PDZRN3: variants seen among roughly 807,000 people sequenced by gnomAD.
The protein encoded by PDZRN3 is PDZ domain containing ring finger 3.
In PDZRN3, 38 loss-of-function variants were observed where a neutral mutation model predicts 85.7. The observed-to-expected ratio is 0.44, with a 90% CI of 0.34 to 0.58. PDZRN3 has a LOEUF of 0.58. Ranked by LOEUF, PDZRN3 falls within the 20% of genes least tolerant of loss-of-function variation. The pLI, the probability that PDZRN3 is intolerant of heterozygous loss-of-function variation, is 0.01. For missense variants in PDZRN3, 1,629 were observed against 1,506.4 expected, an observed-to-expected ratio of 1.08 and a Z score of -1.35; for synonymous variants, 759 against 638.0, an observed-to-expected ratio of 1.19 and a Z score of -2.86.
chr3:73,391,188 A>G, intron 5 of PDZRN3, 72 bp from the exon 6 acceptor site: 1 of 907,728 alleles, frequency 1.1e-6, no homozygotes, highest in Non-Finnish European at 1.8e-6. Context: ...AAATGCTTTA[A>G]AAATATTATC....
intron 3 of PDZRN3, among the ~76,000 whole-genome samples, chr3:73,537,353 A>T (rs1279872695): frequency 6.6e-6 from 1 of 152,296 alleles, no homozygotes; most frequent in East Asian, 1.9e-4. Flanking sequence ...CAAGTAATAA[A>T]TATTGTGTTA....
At chr3:73,576,289 G>A (rs1051381404) in intron 3 of PDZRN3, among the ~76,000 whole-genome samples, 2 of 152,108 alleles carry the variant, frequency 1.3e-5, no homozygotes, top group African/African-American at 4.8e-5. Flanking sequence ...TATGATTAGA[G>A]GTGTTACCCA....
At chr3:73,458,529 T>C (rs1012785296) in intron 3 of PDZRN3, among the ~76,000 whole-genome samples, 1 of 148,960 alleles carries the variant, frequency 6.7e-6, no homozygotes, top group African/African-American at 2.5e-5. Flanking sequence ...CATGGCAAAC[T>C]AGCATTTATT....
intron 3 of PDZRN3, among the ~76,000 whole-genome samples, chr3:73,591,091 T>C (rs1303269423): frequency 2.0e-5 from 3 of 152,174 alleles, no homozygotes; most frequent in Non-Finnish European, 4.4e-5. Context: ...TATTTTTCAA[T>C]TTTTCTACAA....
At chr3:73,551,243 C>A (rs1052341803) in intron 3 of PDZRN3, among the ~76,000 whole-genome samples, 3 of 152,122 alleles carry the variant, frequency 2.0e-5, no homozygotes, top group Non-Finnish European at 4.4e-5. Context: ...GGGAAAATGA[C>A]ACACTGTCTT....
At chr3:73,407,008 C>T (rs999912233) in intron 3 of PDZRN3, among the ~76,000 whole-genome samples, 3 of 152,252 alleles carry the variant, frequency 2.0e-5, no homozygotes, top group Admixed American at 2.0e-4. Flanking sequence ...TACCTTTCTA[C>T]CAGATCCTAT....
At chr3:73,503,073 A>G (rs1704011926) in intron 3 of PDZRN3, among the ~76,000 whole-genome samples, 1 of 152,184 alleles carries the variant, frequency 6.6e-6, no homozygotes, top group Admixed American at 6.5e-5. Flanking sequence ...GTTTTGAATA[A>G]AACAATTTTA....
rs920075595 is a variant in PDZRN3, at chr3:73,432,999, T to C, written c.919-28604A>G. ...TCTGGGTTGTATCGTAAATATCCCA[T>C]TTCATCTCAACTGAAATTTTCATGT... On this transcript the variant is annotated intron_variant, in intron 3 of 9. Coordinates refer to ENST00000263666, the MANE Select transcript of PDZRN3 (RefSeq NM_015009.3). Among the ~76,000 whole-genome samples the C allele has an allele frequency of 3.3e-5, 5 of 152,190 alleles. No homozygotes were observed. In the South Asian group the frequency reaches 6.2e-4, roughly 19 times the overall value.
intron 3 of PDZRN3, among the ~76,000 whole-genome samples, chr3:73,444,004 C>T (rs562401913): frequency 1.1e-4 from 17 of 152,240 alleles, no homozygotes; most frequent in African/African-American, 2.4e-4. Flanking sequence ...GGAACGAACG[C>T]GCAATTGGTA....
intron 3 of PDZRN3, among the ~76,000 whole-genome samples, chr3:73,470,518 G>A (rs1461651597): frequency 1.3e-5 from 2 of 152,190 alleles, no homozygotes; most frequent in African/African-American, 4.8e-5. Context: ...GCTAGTAAGA[G>A]GTGGTGGTAG....
At chr3:73,421,694 C>T (rs1702206007) in intron 3 of PDZRN3, among the ~76,000 whole-genome samples, 1 of 152,230 alleles carries the variant, frequency 6.6e-6, no homozygotes, top group South Asian at 2.1e-4. Context: ...TGTTGCCAGG[C>T]TGGAGTGCAG....
chr3:73,404,229 A>G lies in PDZRN3; in HGVS notation c.1085T>C (p.Ile362Thr). 6.2e-7 allele frequency: 1 copy of G among 1,614,046 alleles called. No homozygotes were observed. The highest frequency in any genetic ancestry group is 8.5e-7 in the Non-Finnish European group (1 of 1,179,994). The change falls in exon 4 of 10, where the codon ATC (isoleucine) becomes ACC (threonine). Residue 362 changes from isoleucine to threonine, a missense_variant. Ile to Thr is a moderately conservative substitution (Grantham distance 89, BLOSUM62 -1). Coordinates refer to ENST00000263666, the MANE Select transcript of PDZRN3 (RefSeq NM_015009.3). ...GAGGGCCATGATATGTTCAAAGGTG[A>G]TGTCGGTTTGGGTTCCCGTGTCCAC... ...QLVDTGTQTD[I>T]TFEHIMALTK... is the part of the protein sequence containing the mutation.
At chr3:73,404,650 T>C (rs1015123367) in intron 3 of PDZRN3, 1 of 417,362 alleles carries the variant, frequency 2.4e-6, no homozygotes, top group African/African-American at 2.0e-5. Context: ...GTGGAATGTC[T>C]TTAACACAAT....
At chr3:73,546,970 A>T (rs989604434) in intron 3 of PDZRN3, among the ~76,000 whole-genome samples, 2 of 152,170 alleles carry the variant, frequency 1.3e-5, no homozygotes, top group African/African-American at 2.4e-5. Context: ...TCTACTCCCA[A>T]CTACATGCCT....
intron 5 of PDZRN3, among the ~76,000 whole-genome samples, chr3:73,394,572 A>G (rs1701598320): frequency 6.6e-6 from 1 of 152,224 alleles, no homozygotes; most frequent in Non-Finnish European, 1.5e-5. Flanking sequence ...CTGGTGAAGC[A>G]CATTTCCAAT....
At chr3:73,426,751 C>T (rs1206989063) in intron 3 of PDZRN3, among the ~76,000 whole-genome samples, 1 of 152,170 alleles carries the variant, frequency 6.6e-6, no homozygotes. Context: ...AAACAAATTG[C>T]TGGGCCCCAC....
chr3:73,534,421 C>T (rs1306881506), intron 3 of PDZRN3, among the ~76,000 whole-genome samples: 1 of 152,204 alleles, frequency 6.6e-6, no homozygotes. Flanking sequence ...GACATCCCTA[C>T]ATCTTTGGAA....
intron 3 of PDZRN3, among the ~76,000 whole-genome samples, chr3:73,478,354 C>G (rs138069367): frequency 2.0e-5 from 3 of 152,186 alleles, no homozygotes; most frequent in Non-Finnish European, 4.4e-5. Context: ...TTCATAGGAG[C>G]ATGGACTCTA....
chr3:73,453,418 A>AAC (rs1559687587), intron 3 of PDZRN3, among the ~76,000 whole-genome samples: 33 of 136,724 alleles, frequency 2.4e-4, no homozygotes, highest in African/African-American at 6.6e-4. Context: ...AAAAAAAAAA[A>AAC]AAAAACAAAA....
Sources: allele counts gnomAD v4.1 joint callset (sites outside exome capture counted in the v4.1 genomes callset), GRCh38; gene constraint gnomAD v4.1.1; transcripts MANE v1.5; gene names NCBI Gene and HGNC (gene_info 2026-07-23, HGNC 2026-07-21).